The following C1D variants were observed in gnomAD, a reference collection of about 807,000 sequenced individuals.
C1D encodes the protein C1D nuclear receptor corepressor.
C1D carries 10 observed loss-of-function variants against 17.5 expected under a neutral mutation model. That is an observed-to-expected ratio of 0.57 (90% CI 0.35 to 0.97). The LOEUF (loss-of-function observed/expected upper bound fraction) is 0.97, where lower values mean the gene tolerates loss of function less well. Ranked by LOEUF, C1D falls within the 50% of genes least tolerant of loss-of-function variation. C1D has a pLI of 0.01. For synonymous variants in C1D, 49 were observed against 54.0 expected (o/e 0.91, Z 0.40); for missense variants, 136 against 160.1 (o/e 0.85, Z 0.81).
At chr2:68,045,071 C>A (rs1671081436) in intron 4 of C1D, among the ~76,000 whole-genome samples, 1 of 151,654 alleles carries the variant, frequency 6.6e-6, no homozygotes, top group African/African-American at 2.4e-5. Flanking sequence ...ATTTATTTTC[C>A]CCCCCAAGAA....
In C1D at chr2:68,041,618, G is replaced by A. The variant is rs1342476841; in HGVS notation, c.*1271C>T. ...TCTATCAGTGACTTCCTCTTCATGT[G>A]TCATAGAAAGAGTTCAACATGCTTT... On this transcript the variant is annotated 3_prime_UTR_variant, in exon 5 of 5. Transcript: ENST00000410067. 2 of 152,026 alleles carry A rather than the reference G, an allele frequency of 1.3e-5. No homozygotes were observed. The highest frequency in any genetic ancestry group is 2.9e-5 in the Non-Finnish European group (2 of 67,896). 9.4% of individuals were successfully genotyped at this position (152,026 alleles called of 1,614,324 possible).
At chr2:68,051,281 G>A (rs1671274083) in intron 1 of C1D, among the ~76,000 whole-genome samples, 1 of 152,124 alleles carries the variant, frequency 6.6e-6, no homozygotes, top group South Asian at 2.1e-4. Context: ...CACTTTGGGA[G>A]GCCAAGGCAG....
At chr2:68,062,694 A>T (rs1671670091) in intron 1 of C1D, among the ~76,000 whole-genome samples, 1 of 152,156 alleles carries the variant, frequency 6.6e-6, no homozygotes, top group East Asian at 1.9e-4. Context: ...AACGAAGAAA[A>T]AGAGAGAGAC....
intron 1 of C1D, among the ~76,000 whole-genome samples, chr2:68,053,558 C>T (rs1671348054): frequency 6.6e-6 from 1 of 152,174 alleles, no homozygotes; most frequent in Non-Finnish European, 1.5e-5. Context: ...TTCTCCACTC[C>T]CAGTTTTAGA....
At chr2:68,046,131 G>T (rs1339855753) in intron 3 of C1D, 88 bp from the exon 4 acceptor site, 2 of 985,044 alleles carry the variant, frequency 2.0e-6, no homozygotes, top group African/African-American at 3.4e-5. Context: ...CACAAAAAAG[G>T]AAAGTCCTAC....
intron 1 of C1D, among the ~76,000 whole-genome samples, chr2:68,047,986 T>C (rs1448430351): frequency 6.6e-6 from 1 of 152,144 alleles, no homozygotes; most frequent in Non-Finnish European, 1.5e-5. Context: ...AGTAAAAATC[T>C]TAGGTCTAAA....
At chr2:68,053,789 GCT>G (rs1671353723) in intron 1 of C1D, among the ~76,000 whole-genome samples, 1 of 152,114 alleles carries the variant, frequency 6.6e-6, no homozygotes, top group Admixed American at 6.5e-5. Flanking sequence ...AATGTGCCGT[GCT>G]CTCTCACTCT....
chr2:68,042,905 C>T lies in C1D; in HGVS notation c.410G>A (p.Gly137Glu). The T allele has an allele frequency of 7.4e-7, 1 of 1,354,534 alleles. No individual in the cohort carries two copies. The highest frequency in any genetic ancestry group is 9.7e-7 in the Non-Finnish European group (1 of 1,032,640). 83.9% of individuals were successfully genotyped at this position (1,354,534 alleles called of 1,614,324 possible). The stretch of plus-strand genomic sequence containing the variant: ...ACCAAAAAGTTAACTTTTACTTTTT[C>T]CTTTATTGGCAACTTTTGATGCATT... ...SKNASKVANKGKSKS is the reference protein window; with the variant it reads ...SKNASKVANKEKSKS The change falls in exon 5 of 5, where the codon GGA (glycine) becomes GAA (glutamate). Residue 137 changes from glycine to glutamate, a missense_variant. Gly to Glu is a moderately conservative substitution (Grantham distance 98). Transcript: ENST00000410067.
intron 1 of C1D, among the ~76,000 whole-genome samples, chr2:68,051,769 T>C (rs72821823): frequency 0.049 from 7,433 of 152,094 alleles, 345 homozygotes; most frequent in East Asian, 0.27. Flanking sequence ...TCACCAGATC[T>C]CCACTCAAAT....
intron 1 of C1D, among the ~76,000 whole-genome samples, chr2:68,050,425 C>T (rs144265941): frequency 2.0e-5 from 3 of 152,204 alleles, no homozygotes; most frequent in Non-Finnish European, 4.4e-5. Context: ...TCCTTCCATC[C>T]TTTCTCAAAT....
chr2:68,046,426 G>A lies in C1D; in HGVS notation c.139-16C>T. The A allele has an allele frequency of 1.3e-6, 2 of 1,588,490 alleles. No homozygotes were observed. The highest frequency in any genetic ancestry group is 1.7e-6 in the Non-Finnish European group (2 of 1,159,822). ...GTGGATCCAACTGTTAAAAAAGAAA[G>A]AGAGAGGGAAAGAGAGAAAGTGAGA... On this transcript the variant is annotated splice_polypyrimidine_tract_variant and intron_variant, in intron 2 of 4. Coordinates refer to ENST00000410067, the MANE Select transcript of C1D (RefSeq NM_173177.3).
rs907067433 is a variant in C1D, at chr2:68,041,438, T to C, written c.*1451A>G. 5.9e-5 allele frequency: 9 copies of C among 152,032 alleles called. No homozygotes were observed. Among genetic ancestry groups the C allele is most frequent in the African/African-American group, 2.2e-4 (9 of 41,456 alleles). 9.4% of individuals were successfully genotyped at this position (152,032 alleles called of 1,614,324 possible). On this transcript the variant is annotated 3_prime_UTR_variant, in exon 5 of 5. Coordinates refer to ENST00000410067, the MANE Select transcript of C1D (RefSeq NM_173177.3). Reference sequence around the variant, plus strand: ...AAAGACAGGTACACTACACTTGATCTTAACAGTAACACATTTCTCTCATGA... The same window carrying C: ...AAAGACAGGTACACTACACTTGATCCTAACAGTAACACATTTCTCTCATGA...
At chr2:68,047,594 T>C (rs1030318073) in intron 1 of C1D, among the ~76,000 whole-genome samples, 1 of 152,182 alleles carries the variant, frequency 6.6e-6, no homozygotes, top group Non-Finnish European at 1.5e-5. Context: ...TGTTTTGAGA[T>C]GGGGTCTCCC....
chr2:68,045,674 T>C (rs1242798963), intron 4 of C1D, among the ~76,000 whole-genome samples: 1 of 151,388 alleles, frequency 6.6e-6, no homozygotes, highest in African/African-American at 2.4e-5. Flanking sequence ...TTTTAAGAAC[T>C]GTACAGAAGT....
intron 4 of C1D, among the ~76,000 whole-genome samples, chr2:68,045,670 G>A (rs904720101): frequency 6.6e-6 from 1 of 151,228 alleles, no homozygotes; most frequent in Admixed American, 6.6e-5. Context: ...ATACTTTTAA[G>A]AACTGTACAG....
At chr2:68,053,022 T>G (rs2103807347) in intron 1 of C1D, 1 of 1,546,914 alleles carries the variant, frequency 6.5e-7, no homozygotes, top group East Asian at 2.4e-5. Context: ...ATGCCTAAAG[T>G]TGTACATGTT....
At chr2:68,046,494 T>C (rs1045852540) in intron 2 of C1D, 84 bp from the exon 3 acceptor site, 21 of 945,902 alleles carry the variant, frequency 2.2e-5, no homozygotes, top group Non-Finnish European at 3.2e-5. Flanking sequence ...CTGATAACAT[T>C]TGACTTTTAC....
chr2:68,048,589 T>C (rs975362581), intron 1 of C1D, among the ~76,000 whole-genome samples: 2 of 152,160 alleles, frequency 1.3e-5, no homozygotes, highest in African/African-American at 4.8e-5. Flanking sequence ...TTTTTCTGAA[T>C]GAGTATATTC....
chr2:68,057,449 G>A (rs982478034), intron 1 of C1D, among the ~76,000 whole-genome samples: 3 of 152,026 alleles, frequency 2.0e-5, no homozygotes, highest in African/African-American at 7.2e-5. Context: ...GAGCCACCAC[G>A]CCCAGCTCAT....
Sources: allele counts gnomAD v4.1 joint callset (sites outside exome capture counted in the v4.1 genomes callset), GRCh38; gene constraint gnomAD v4.1.1; transcripts MANE v1.5; gene names NCBI Gene and HGNC (gene_info 2026-07-23, HGNC 2026-07-21).